PACS1: variants seen among roughly 807,000 people sequenced by gnomAD.
PACS1 encodes the protein PACS-1.
Under a neutral mutation model 115.0 loss-of-function variants are expected in PACS1, and 24 were observed. That is an observed-to-expected ratio of 0.21 (90% CI 0.15 to 0.29). PACS1 has a LOEUF of 0.29. PACS1 is among the 10% of genes least tolerant of loss of function. PACS1 has a pLI of 1.00. For synonymous variants in PACS1, 453 were observed against 504.5 expected (o/e 0.90, Z 1.37); for missense variants, 838 against 1,251.2 (o/e 0.67, Z 4.98).
chr11:66,098,763 GTTC>G (rs1857843247), intron 1 of PACS1, among the ~76,000 whole-genome samples: 2 of 152,184 alleles, frequency 1.3e-5, no homozygotes, highest in African/African-American at 4.8e-5. Context: ...CATCCCGGTT[GTTC>G]TTGTCCACAA....
chr11:66,180,403 G>A (rs1158265545), intron 1 of PACS1, among the ~76,000 whole-genome samples: 1 of 151,672 alleles, frequency 6.6e-6, no homozygotes, highest in Non-Finnish European at 1.5e-5. Context: ...TTGCCAGGCT[G>A]GAGTGCAGTG....
At chr11:66,209,569 C>A (rs566938130) in intron 2 of PACS1, among the ~76,000 whole-genome samples, 1 of 152,220 alleles carries the variant, frequency 6.6e-6, no homozygotes, top group East Asian at 1.9e-4. Context: ...ATGGTAGAGG[C>A]TTGATTCAAA....
rs76609696 is a variant in PACS1, at chr11:66,106,891, A to G, written c.356+36049A>G. 4.0e-3 allele frequency among the ~76,000 whole-genome samples: 603 copies of G among 152,276 alleles called. 3 individuals are homozygous for G. Among genetic ancestry groups the G allele is most frequent in the African/African-American group, 0.014 (572 of 41,548 alleles). ...ATAGGTTTTTGTGTTTCTTCTACCA[A>G]ACTACCTTTCCAGGATATCTACAGT... On this transcript the variant is annotated intron_variant, in intron 1 of 23. Transcript: ENST00000320580.
At chr11:66,153,519 C>T (rs111382846) in intron 1 of PACS1, among the ~76,000 whole-genome samples, 21 of 152,186 alleles carry the variant, frequency 1.4e-4, no homozygotes, top group African/African-American at 4.3e-4. Context: ...CGGTGGCTCA[C>T]GCCTGTAATC....
chr11:66,155,054 A>C (rs1343535835), intron 1 of PACS1, among the ~76,000 whole-genome samples: 1 of 152,268 alleles, frequency 6.6e-6, no homozygotes, highest in Non-Finnish European at 1.5e-5. Flanking sequence ...TCTTTTCAAC[A>C]CATGGTACAG....
chr11:66,105,152 G>C (rs1438408132), intron 1 of PACS1, among the ~76,000 whole-genome samples: 1 of 152,048 alleles, frequency 6.6e-6, no homozygotes, highest in African/African-American at 2.4e-5. Context: ...GGCTGGGCAC[G>C]GTGGCTCACT....
intron 1 of PACS1, among the ~76,000 whole-genome samples, chr11:66,084,523 G>T (rs1028916711): frequency 3.3e-5 from 5 of 151,872 alleles, no homozygotes; most frequent in African/African-American, 1.2e-4. Flanking sequence ...CAGGGAGTCC[G>T]GTCAGGGGGC....
At chr11:66,214,226 T>G (rs528428157) in intron 4 of PACS1, among the ~76,000 whole-genome samples, 4 of 152,204 alleles carry the variant, frequency 2.6e-5, no homozygotes, top group Admixed American at 2.0e-4. Flanking sequence ...GATAGAAAAT[T>G]TGAGATAGTT....
In PACS1 at chr11:66,131,549, C is replaced by T. The variant is rs373646294; in HGVS notation, c.356+60707C>T. Among the ~76,000 whole-genome samples, 98 of 152,280 alleles carry T rather than the reference C, an allele frequency of 6.4e-4. No individual in the cohort carries two copies. The South Asian group carries it at 0.018, about 28-fold the overall frequency. ...AACTTTGTTTGTGGTGTCCTTTATT[C>T]AGCAGAAATCTTTTGTTTTAATTTA... On this transcript the variant is annotated intron_variant, in intron 1 of 23. Transcript: ENST00000320580.
At chr11:66,098,758 C>T (rs923917309) in intron 1 of PACS1, among the ~76,000 whole-genome samples, 12 of 152,184 alleles carry the variant, frequency 7.9e-5, no homozygotes, top group Admixed American at 2.0e-4. Flanking sequence ...TTTGTCATCC[C>T]GGTTGTTCTT....
intron 4 of PACS1, among the ~76,000 whole-genome samples, chr11:66,214,676 C>A (rs1590824519): frequency 7.2e-6 from 1 of 139,074 alleles, no homozygotes; most frequent in African/African-American, 2.7e-5. Flanking sequence ...GGCTGGAATG[C>A]AGTGGTGCAA....
chr11:66,107,621 G>C (rs958511195), intron 1 of PACS1, among the ~76,000 whole-genome samples: 10 of 152,168 alleles, frequency 6.6e-5, no homozygotes, highest in Non-Finnish European at 1.5e-4. Flanking sequence ...TTCACCCTCT[G>C]CTTGGAATTC....
intron 1 of PACS1, among the ~76,000 whole-genome samples, chr11:66,177,391 A>G (rs868772450): frequency 1.3e-5 from 2 of 152,054 alleles, no homozygotes; most frequent in African/African-American, 2.4e-5. Context: ...GGGTTTCTCC[A>G]TGTCGGTCAA....
intron 10 of PACS1, among the ~76,000 whole-genome samples, chr11:66,224,466 T>G (rs1324728751): frequency 6.6e-6 from 1 of 152,240 alleles, no homozygotes; most frequent in Non-Finnish European, 1.5e-5. Flanking sequence ...GGGGTGTGCC[T>G]GATTGACTTA....
intron 1 of PACS1, among the ~76,000 whole-genome samples, chr11:66,085,055 G>T (rs541182929): frequency 6.6e-6 from 1 of 152,302 alleles, no homozygotes; most frequent in East Asian, 1.9e-4. Context: ...TTATTTATTT[G>T]ATGGTTTCCA....
chr11:66,098,728 C>T (rs797000097), intron 1 of PACS1, among the ~76,000 whole-genome samples: 14 of 152,300 alleles, frequency 9.2e-5, no homozygotes, highest in African/African-American at 3.4e-4. Context: ...CTCTTCACAC[C>T]CTCCAGTCTG....
At position 66,151,185 on chromosome 11, in the gene PACS1, A is replaced by G. The variant is rs186126073; in HGVS notation, c.357-42301A>G. Among the ~76,000 whole-genome samples, 34 of 151,804 alleles carry G rather than the reference A, an allele frequency of 2.2e-4. No individual in the cohort carries two copies. The East Asian group carries it at 5.0e-3, about 22-fold the overall frequency. ...AACAAAAATAAAAACCAGCCAACCA[A>G]TGAAACAAAGCAAGCAGGCAGAGGC... On this transcript the variant is annotated intron_variant, in intron 1 of 23. Transcript: ENST00000320580.
chr11:66,125,408 C>A (rs570690081), intron 1 of PACS1, among the ~76,000 whole-genome samples: 1 of 152,264 alleles, frequency 6.6e-6, no homozygotes, highest in African/African-American at 2.4e-5. Flanking sequence ...ATATTTTGAG[C>A]CACTGACTTG....
At chr11:66,220,354 C>A in intron 8 of PACS1, 1 of 437,608 alleles carries the variant, frequency 2.3e-6, no homozygotes, top group Admixed American at 3.8e-5. Context: ...TAGGAAGAAC[C>A]CACATGGGCG....
Sources: gnomAD v4.1 joint callset for allele counts (sites outside exome capture counted in the v4.1 genomes callset) on GRCh38, gnomAD v4.1.1 for gene constraint, MANE v1.5 for transcripts, NCBI Gene and HGNC (gene_info 2026-07-23, HGNC 2026-07-21) for gene names.